Variants in TMEM132C observed in about 807,000 individuals in gnomAD.
The protein encoded by TMEM132C is protein phosphatase 1, regulatory subunit 152.
TMEM132C carries 29 observed loss-of-function variants against 61.4 expected under a neutral mutation model. The observed-to-expected ratio is 0.47, with a 90% CI of 0.35 to 0.64. The LOEUF (loss-of-function observed/expected upper bound fraction) is 0.64. TMEM132C is among the 30% of genes least tolerant of loss of function. The probability of loss-of-function intolerance (pLI) is 0.00; values close to 1 mark genes in which losing one functional copy is unlikely to be tolerated. For synonymous variants in TMEM132C, 656 were observed against 633.1 expected, an observed-to-expected ratio of 1.04 and a Z score of -0.54; for missense variants, 1,408 against 1,476.9, an observed-to-expected ratio of 0.95 and a Z score of 0.76.
intron 1 of TMEM132C, among the ~76,000 whole-genome samples, chr12:128,275,227 G>C (rs894866266): frequency 5.9e-5 from 9 of 152,200 alleles, no homozygotes; most frequent in Non-Finnish European, 1.0e-4. Flanking sequence ...TGCAGAGCAG[G>C]AGGTGAGTGA....
intron 3 of TMEM132C, among the ~76,000 whole-genome samples, chr12:128,600,267 C>T (rs920825629): frequency 6.6e-6 from 1 of 152,120 alleles, no homozygotes; most frequent in Middle Eastern, 3.2e-3. Flanking sequence ...CAGGTGTGAG[C>T]CACCGCACCG....
intron 2 of TMEM132C, among the ~76,000 whole-genome samples, chr12:128,434,781 A>T (rs12317767): frequency 1.3e-5 from 2 of 150,608 alleles, no homozygotes; most frequent in South Asian, 4.2e-4. Flanking sequence ...TTTTTTTTAA[A>T]TTTTTTATTT....
At chr12:128,623,210 G>C (rs1223421683) in intron 4 of TMEM132C, among the ~76,000 whole-genome samples, 1 of 152,110 alleles carries the variant, frequency 6.6e-6, no homozygotes, top group African/African-American at 2.4e-5. Context: ...GCTGTCTTTA[G>C]TAGCATCATC....
chr12:128,449,899 G>A (rs1012125525), intron 2 of TMEM132C, among the ~76,000 whole-genome samples: 1 of 152,216 alleles, frequency 6.6e-6, no homozygotes, highest in Non-Finnish European at 1.5e-5. Context: ...ACTAGGAAGT[G>A]GAATCAAGTT....
At chr12:128,666,842 A>T (rs544949616) in intron 4 of TMEM132C, among the ~76,000 whole-genome samples, 2 of 152,368 alleles carry the variant, frequency 1.3e-5, no homozygotes, top group Non-Finnish European at 2.9e-5. Flanking sequence ...TGTCCGAGGC[A>T]GGTGGATCAC....
At chr12:128,691,750 C>T (rs920851650) in intron 5 of TMEM132C, among the ~76,000 whole-genome samples, 1 of 151,934 alleles carries the variant, frequency 6.6e-6, no homozygotes, top group Non-Finnish European at 1.5e-5. Context: ...CATTTGTCCA[C>T]CACCCATTCA....
At chr12:128,288,081 G>A (rs1871130939) in intron 1 of TMEM132C, 1 of 144,712 alleles carries the variant, frequency 6.9e-6, no homozygotes, top group African/African-American at 2.6e-5. Context: ...TTTCTGAGAT[G>A]GAGTTTTGCT....
Sources: allele counts gnomAD v4.1 joint callset (sites outside exome capture counted in the v4.1 genomes callset), GRCh38; gene constraint gnomAD v4.1.1; transcripts MANE v1.5; gene names NCBI Gene and HGNC (gene_info 2026-07-23, HGNC 2026-07-21).